KCNN2: variants seen among roughly 807,000 people sequenced by gnomAD.
KCNN2 encodes small conductance calcium-activated potassium channel protein 2.
A neutral mutation model predicts 55.5 loss-of-function variants in KCNN2; 24 were observed. The ratio of observed to expected loss-of-function variants is 0.43; its 90% CI spans 0.31 to 0.61. The LOEUF is 0.61. KCNN2 is among the 20% of genes least tolerant of loss of function. The pLI, the probability that KCNN2 is intolerant of heterozygous loss-of-function variation, is 0.08. For synonymous variants in KCNN2, 431 were observed against 336.1 expected (o/e 1.28, Z -3.09); for missense variants, 754 against 853.6 (o/e 0.88, Z 1.45).
intron 3 of KCNN2, chr5:114,433,767 G>A (rs573929075): frequency 5.1e-4 from 79 of 153,466 alleles, no homozygotes; most frequent in Admixed American, 2.3e-3. Flanking sequence ...CTGAGCCAGC[G>A]AGACCAGGAA....
Position 114,487,227 on chromosome 5 carries a change from A to G in KCNN2, c.2018+50A>G, listed in dbSNP as rs1235639959. 2.6e-6 allele frequency: 4 copies of G among 1,544,670 alleles called. No individual in the cohort carries two copies. In the South Asian group the frequency reaches 3.5e-5, roughly 13 times the overall value. ...CCTGTTGTTGTGTCCTTGGCTTTCA[A>G]TTTTTGCACTTGTTTATTCTTGTTT... is the stretch of plus-strand genomic sequence containing the variant. On this transcript the variant is annotated intron_variant, in intron 6 of 7. Transcript: ENST00000673685.
intron 4 of KCNN2, among the ~76,000 whole-genome samples, chr5:114,470,883 A>ATCCCTGGAGATGAAGATT (rs1761700187): frequency 6.6e-6 from 1 of 152,178 alleles, no homozygotes; most frequent in Non-Finnish European, 1.5e-5. Flanking sequence ...CCTGGGTTTT[A>ATCCCTGGAGATGAAGATT]TCCCTGGAGA....
chr5:114,262,398 A>G (rs971782108), intron 2 of KCNN2, among the ~76,000 whole-genome samples: 3 of 152,214 alleles, frequency 2.0e-5, no homozygotes, highest in Non-Finnish European at 4.4e-5. Flanking sequence ...CGCAGTTAAA[A>G]CACAAGAAGT....
chr5:114,283,430 C>A (rs947760163), intron 2 of KCNN2, among the ~76,000 whole-genome samples: 2 of 152,110 alleles, frequency 1.3e-5, no homozygotes, highest in African/African-American at 4.8e-5. Context: ...TCCACATTTG[C>A]TATAATCTTA....
chr5:114,257,383 T>G (rs967072959), intron 2 of KCNN2, among the ~76,000 whole-genome samples: 28 of 152,114 alleles, frequency 1.8e-4, no homozygotes, highest in African/African-American at 6.8e-4. Flanking sequence ...TTTTTTTTAT[T>G]CTGTGAAAAA....
At chr5:114,378,095 T>C (rs1226388140) in intron 2 of KCNN2, among the ~76,000 whole-genome samples, 1 of 152,198 alleles carries the variant, frequency 6.6e-6, no homozygotes, top group East Asian at 1.9e-4. Flanking sequence ...AAATATTTGC[T>C]TAGTTAGAAC....
At chr5:114,371,907 T>C (rs1757769441) in intron 2 of KCNN2, among the ~76,000 whole-genome samples, 1 of 152,138 alleles carries the variant, frequency 6.6e-6, no homozygotes, top group Non-Finnish European at 1.5e-5. Flanking sequence ...ATGCCGACTC[T>C]TATTAGTCTA....
chr5:114,139,505 C>T (rs1306977507), intron 1 of KCNN2, among the ~76,000 whole-genome samples: 1 of 147,542 alleles, frequency 6.8e-6, no homozygotes, highest in Non-Finnish European at 1.5e-5. Context: ...ATCCATAATT[C>T]ACATATCATT....
chr5:114,397,191 C>T (rs1046962065), intron 2 of KCNN2, among the ~76,000 whole-genome samples: 5 of 152,218 alleles, frequency 3.3e-5, no homozygotes, highest in South Asian at 2.1e-4. Context: ...CATACGCGTA[C>T]GTGTATCTTT....
At chr5:114,106,643 G>GTTTTTTTTTTTT (rs149036166) in intron 1 of KCNN2, among the ~76,000 whole-genome samples, 130 of 69,828 alleles carry the variant, frequency 1.9e-3, no homozygotes, top group Non-Finnish European at 2.4e-3. Context: ...TTTTCCAGTT[G>GTTTTTTTTTTTT]TTTTTTTTTT....
intron 2 of KCNN2, among the ~76,000 whole-genome samples, chr5:114,232,233 T>A (rs908704280): frequency 1.3e-5 from 2 of 150,932 alleles, no homozygotes; most frequent in Non-Finnish European, 2.9e-5. Flanking sequence ...AATGGTCTCG[T>A]CTGAATTAGA....
At chr5:114,446,645 G>A (rs1760420524) in intron 3 of KCNN2, among the ~76,000 whole-genome samples, 1 of 152,102 alleles carries the variant, frequency 6.6e-6, no homozygotes, top group African/African-American at 2.4e-5. Flanking sequence ...TTTTTTGGTA[G>A]AGACAGGGTT....
chr5:114,313,513 G>A (rs1756444664), intron 2 of KCNN2, among the ~76,000 whole-genome samples: 1 of 152,104 alleles, frequency 6.6e-6, no homozygotes, highest in Non-Finnish European at 1.5e-5. Flanking sequence ...ATAAAAAGGT[G>A]CTGACGTGTG....
intron 2 of KCNN2, among the ~76,000 whole-genome samples, chr5:114,349,954 T>C (rs1417208011): frequency 6.6e-6 from 1 of 151,982 alleles, no homozygotes; most frequent in African/African-American, 2.4e-5. Flanking sequence ...CTAGTGGGTG[T>C]GAAGTATCAA....
rs1304291082 is a variant in KCNN2, at chr5:114,439,483, A to G, written c.1638-23566A>G. Among the ~76,000 whole-genome samples, 2 of 152,158 alleles carry G rather than the reference A, an allele frequency of 1.3e-5. 1 individual carries two copies. The highest frequency in any genetic ancestry group is 1.3e-4 in the Admixed American group (2 of 15,262). ...TGTTTTATTACAAAATGCTGGTCAT[A>G]ATGGTGGTTCTCAGTCTTGACACCT... On this transcript the variant is annotated intron_variant, in intron 3 of 7. Transcript: ENST00000673685.
rs1190185829 is a variant in KCNN2, at chr5:114,272,259, CAT to C, written c.-185+50699_-185+50700del. ...TATGTGTGTACATATCATATACACA[CAT>C]ATATGTATGTACATATCACACACAC... On this transcript the variant is annotated intron_variant, in intron 2 of 10. Transcript: ENST00000512097. 4.6e-5 allele frequency among the ~76,000 whole-genome samples: 7 copies of C among 151,928 alleles called. 1 individual carries two copies. The Middle Eastern group carries it at 0.014, about 295-fold the overall frequency.
chr5:114,081,045 C>G (rs576809689), intron 1 of KCNN2, among the ~76,000 whole-genome samples: 1 of 151,694 alleles, frequency 6.6e-6, no homozygotes, highest in Non-Finnish European at 1.5e-5. Context: ...TAATGAATAA[C>G]CTGAAATGTA....
At chr5:114,489,155 T>A (rs1313207216) in intron 6 of KCNN2, 1 of 152,182 alleles carries the variant, frequency 6.6e-6, no homozygotes, top group East Asian at 1.9e-4. Context: ...GGGATTTGTA[T>A]TACATCTTGT....
At chr5:114,295,730 C>T (rs957907834) in intron 2 of KCNN2, among the ~76,000 whole-genome samples, 1 of 152,148 alleles carries the variant, frequency 6.6e-6, no homozygotes, top group Non-Finnish European at 1.5e-5. Context: ...CTGTCTGGCA[C>T]TCCCTAGTGA....
Sources: allele counts gnomAD v4.1 joint callset (sites outside exome capture counted in the v4.1 genomes callset), GRCh38; gene constraint gnomAD v4.1.1; transcripts MANE v1.5; gene names NCBI Gene and HGNC (gene_info 2026-07-23, HGNC 2026-07-21).